Variants in WDR17 observed in about 807,000 individuals in gnomAD.
WDR17 encodes the protein WD repeat-containing protein 17.
In WDR17, 143 loss-of-function variants were observed where a neutral mutation model predicts 161.7. That is an observed-to-expected ratio of 0.88 (90% CI 0.77 to 1.02). WDR17 has a LOEUF of 1.02. Ranked by LOEUF, WDR17 falls within the 50% of genes least tolerant of loss-of-function variation. WDR17 has a pLI of 0.00. For missense variants in WDR17, 1,469 were observed against 1,520.9 expected, an observed-to-expected ratio of 0.97 and a Z score of 0.57; for synonymous variants, 517 against 515.6, an observed-to-expected ratio of 1.00 and a Z score of -0.04.
intron 26 of WDR17, among the ~76,000 whole-genome samples, chr4:176,175,838 C>T (rs1056382512): frequency 3.9e-5 from 6 of 152,092 alleles, no homozygotes; most frequent in Non-Finnish European, 7.4e-5. Flanking sequence ...GGATTACAGG[C>T]GTGAGCCACC....
Position 176,156,154 on chromosome 4 carries a change from G to C in WDR17, c.2525+11G>C. ...GAAGTTAATGCAGAGGTAAGGCAGA[G>C]AGAGTCCGTGTTAAAACAGATGTTT... On this transcript the variant is annotated intron_variant, in intron 18 of 28. Transcript: ENST00000508596. The C allele has an allele frequency of 6.2e-7, 1 of 1,611,804 alleles. No homozygotes were observed. The highest frequency in any genetic ancestry group is 8.5e-7 in the Non-Finnish European group (1 of 1,178,888).
In WDR17 at chr4:176,167,535, A is replaced by G. The variant is rs369565073; in HGVS notation, c.2991-1137A>G. ...GTGGCGGGCGCCTGTAGTCCCAGCT[A>G]CTCGGGAGGCTGAGGCAGGAGAATG... On this transcript the variant is annotated intron_variant, in intron 22 of 28. Transcript: ENST00000508596. 1.7e-4 allele frequency among the ~76,000 whole-genome samples: 25 copies of G among 147,346 alleles called. No individual in the cohort carries two copies. In the South Asian group the frequency reaches 5.6e-3, roughly 33 times the overall value.
Position 176,133,272 on chromosome 4 carries a change from AAAG to A in WDR17, c.1098+1549_1098+1551del, listed in dbSNP as rs1448749479. On this transcript the variant is annotated intron_variant, in intron 7 of 28. Coordinates refer to ENST00000508596, the MANE Select transcript of WDR17 (RefSeq NM_181265.4). Reference sequence around the variant, plus strand: ...TCTCCTCTCTCTAAAAAAAAAAAAAAAAGAAGAAGAAGAAGAAAAGAGAAAGGA... The same window carrying A: ...TCTCCTCTCTCTAAAAAAAAAAAAAAAAGAAGAAGAAGAAAAGAGAAAGGA... 4.2e-3 allele frequency among the ~76,000 whole-genome samples: 533 copies of A among 127,422 alleles called. 7 individuals are homozygous for A. Among genetic ancestry groups the A allele is most frequent in the African/African-American group, 0.014 (462 of 34,166 alleles). 83.6% of individuals were successfully genotyped at this position (127,422 alleles called of 152,430 possible).
intron 4 of WDR17, among the ~76,000 whole-genome samples, chr4:176,120,325 A>C (rs1177587994): frequency 4.3e-5 from 6 of 140,756 alleles, no homozygotes; most frequent in African/African-American, 1.6e-4. Context: ...TATATAATAC[A>C]TTCAACACAG....
intron 17 of WDR17, 100 bp from the exon 18 acceptor site, chr4:176,155,979 A>T: frequency 1.9e-6 from 2 of 1,054,712 alleles, no homozygotes; most frequent in Non-Finnish European, 2.7e-6. Flanking sequence ...AAATATAAAA[A>T]TACTATATTA....
chr4:176,132,220 C>T (rs1743581066), intron 7 of WDR17, among the ~76,000 whole-genome samples: 1 of 152,044 alleles, frequency 6.6e-6, no homozygotes, highest in Admixed American at 6.6e-5. Flanking sequence ...AGAATACAAC[C>T]TCCTTGAGAT....
chr4:176,169,632 A>C (rs13141156), intron 23 of WDR17, among the ~76,000 whole-genome samples: 74,347 of 152,104 alleles, frequency 0.49, 18,812 homozygotes, highest in Admixed American at 0.61. Flanking sequence ...TTTTTCACTT[A>C]TTTGAACCGT....
At chr4:176,147,040 T>C (rs1039853569) in intron 12 of WDR17, among the ~76,000 whole-genome samples, 1 of 152,140 alleles carries the variant, frequency 6.6e-6, no homozygotes, top group Admixed American at 6.5e-5. Context: ...CTAATTTTTG[T>C]ATTTTTGGTA....
At position 176,076,207 on chromosome 4, in the gene WDR17, CATATATAATATATATATATATATATATAT is replaced by C. The variant is rs1215989605; in HGVS notation, c.-7+10136_-7+10164del. 8.5e-3 allele frequency among the ~76,000 whole-genome samples: 1,120 copies of C among 131,208 alleles called. 2 individuals carry two copies. The highest frequency in any genetic ancestry group is 0.011 in the Non-Finnish European group (668 of 63,276). The allele number at this position is 131,208 out of a possible 152,430, so 86.1% of individuals were successfully genotyped here. On this transcript the variant is annotated intron_variant, in intron 1 of 28. Transcript: ENST00000508596. ...GTATGGATAGTTAACTGTATGTTTA[CATATATAATATATATATATATATATATAT>C]ATATATATATATATATATACACACA...
intron 1 of WDR17, among the ~76,000 whole-genome samples, chr4:176,081,080 G>T (rs1025685687): frequency 7.2e-5 from 11 of 152,064 alleles, no homozygotes; most frequent in East Asian, 5.8e-4. Flanking sequence ...CTCCCTTGCT[G>T]CCAGTTAATT....
At chr4:176,110,919 G>C (rs894876460) in intron 1 of WDR17, among the ~76,000 whole-genome samples, 2 of 152,096 alleles carry the variant, frequency 1.3e-5, no homozygotes, top group African/African-American at 4.8e-5. Context: ...AACATCCTCT[G>C]TCCTGCCACA....
chr4:176,092,088 C>A (rs1400111089), intron 1 of WDR17, among the ~76,000 whole-genome samples: 1 of 152,104 alleles, frequency 6.6e-6, no homozygotes, highest in Non-Finnish European at 1.5e-5. Context: ...TACTTCCAAA[C>A]CCATTCTTTG....
rs1460552891 is a variant in WDR17, at chr4:176,168,171, TAAG to T, written c.2991-498_2991-496del. Among the ~76,000 whole-genome samples the T allele has an allele frequency of 6.6e-5, 10 of 152,016 alleles. No homozygotes were observed. The South Asian group carries it at 1.2e-3, about 19-fold the overall frequency. On this transcript the variant is annotated intron_variant, in intron 22 of 28. Transcript: ENST00000508596. The stretch of plus-strand genomic sequence containing the variant: ...GCCTCAAAAGAAAAAAAAAGGGAAA[TAAG>T]AAAACTATCTTTAATTTCCACTTAT...
intron 1 of WDR17, among the ~76,000 whole-genome samples, chr4:176,096,179 TG>T (rs1303789095): frequency 2.0e-5 from 3 of 152,222 alleles, no homozygotes; most frequent in Admixed American, 6.6e-5. Flanking sequence ...ATTTTTAACT[TG>T]GTAACTTTTA....
At chr4:176,166,616 G>A (rs1049094593) in intron 22 of WDR17, among the ~76,000 whole-genome samples, 4 of 152,092 alleles carry the variant, frequency 2.6e-5, no homozygotes, top group African/African-American at 7.2e-5. Context: ...CATTAAGAAA[G>A]TCAAATTTTG....
intron 18 of WDR17, 121 bp from the exon 19 acceptor site, chr4:176,159,873 G>C: frequency 1.1e-6 from 1 of 890,866 alleles, no homozygotes; most frequent in East Asian, 2.7e-5. Context: ...TTTTAAAAGT[G>C]GTATGCCAAA....
At position 176,150,227 on chromosome 4, in the gene WDR17, A is replaced by G. The variant is rs1746900371; in HGVS notation, c.2178+54A>G. ...ATTTTCCCTTTAGCCAACATGAATC[A>G]TTACAACTATTTTTATTCACATATT... On this transcript the variant is annotated intron_variant, in intron 15 of 28. Coordinates refer to ENST00000508596, the MANE Select transcript of WDR17 (RefSeq NM_181265.4). 5 of 1,590,106 alleles carry G rather than the reference A, an allele frequency of 3.1e-6. No homozygotes were observed. The East Asian group carries it at 9.0e-5, about 28-fold the overall frequency.
chr4:176,092,148 A>C (rs1736205882), intron 1 of WDR17, among the ~76,000 whole-genome samples: 3 of 152,196 alleles, frequency 2.0e-5, no homozygotes, highest in African/African-American at 7.2e-5. Context: ...CAACAAAAAA[A>C]GAAAATTAAA....
intron 1 of WDR17, among the ~76,000 whole-genome samples, chr4:176,092,115 A>G (rs1292497751): frequency 2.0e-5 from 3 of 152,142 alleles, no homozygotes; most frequent in African/African-American, 7.2e-5. Context: ...GTATTACCCT[A>G]ATACCAAAAC....
Sources: gnomAD v4.1 joint callset for allele counts (sites outside exome capture counted in the v4.1 genomes callset) on GRCh38, gnomAD v4.1.1 for gene constraint, MANE v1.5 for transcripts, NCBI Gene and HGNC (gene_info 2026-07-23, HGNC 2026-07-21) for gene names.